Variants in FAM228B observed in about 807,000 individuals in gnomAD.
FAM228B encodes family with sequence similarity 228 member B.
FAM228B carries 38 observed loss-of-function variants against 42.6 expected under a neutral mutation model. The ratio of observed to expected loss-of-function variants is 0.89; its 90% CI spans 0.69 to 1.17. FAM228B has a LOEUF of 1.17. FAM228B is among the 50% of genes most tolerant of loss of function. FAM228B has a pLI of 0.00. For missense variants in FAM228B, 344 were observed against 367.3 expected (o/e 0.94, Z 0.52); for synonymous variants, 109 against 122.3 (o/e 0.89, Z 0.72).
At chr2:24,121,362 T>C, upstream of FAM228B, 1 of 1,529,570 alleles carries the variant, frequency 6.5e-7, no homozygotes, top group Non-Finnish European at 8.9e-7. Context: ...CAGCCAAATT[T>C]AGCCCACTAC....
chr2:24,134,459 A>C (rs1199854321), intron 2 of FAM228B, among the ~76,000 whole-genome samples: 1 of 152,232 alleles, frequency 6.6e-6, no homozygotes, highest in Non-Finnish European at 1.5e-5. Context: ...GCATAGTCAA[A>C]AAGCCTCAAA....
At position 24,138,036 on chromosome 2, in the gene FAM228B, A is replaced by G. The variant is rs764253997; in HGVS notation, c.296A>G (p.His99Arg). ...QKKIIEKVCS[H>R]KKIKKRRQGE... ...AAAATTATAGAAAAAGTTTGCTCACATAAGAAGATTAAAAAAAGGAGGCAA... is the reference window on the plus strand; with the variant it reads ...AAAATTATAGAAAAAGTTTGCTCACGTAAGAAGATTAAAAAAAGGAGGCAA... The change falls in exon 4 of 11, where the codon CAT becomes CGT. Residue 99 changes from histidine (H) to arginine (R), a missense_variant. Physicochemically the swap from His to Arg is conservative, Grantham distance 29. Coordinates refer to ENST00000615575, the MANE Select transcript of FAM228B (RefSeq NM_001145710.2). 9 of 1,546,730 alleles carry G rather than the reference A, an allele frequency of 5.8e-6. 1 individual carries two copies. The South Asian group carries it at 7.3e-5, about 12-fold the overall frequency.
exon 1 of FAM228B, chr2:24,076,966 C>A: frequency 6.2e-6 from 1 of 161,896 alleles, no homozygotes; most frequent in Non-Finnish European, 1.3e-5. Flanking sequence ...GGGGCGGGAC[C>A]CAGGTGAGTA....
At position 24,092,159 on chromosome 2, in the gene FAM228B, G is replaced by T. The variant is rs572257881; in HGVS notation, c.-209-2982G>T. Among the ~76,000 whole-genome samples the T allele has an allele frequency of 3.6e-5, 5 of 138,732 alleles. No individual in the cohort carries two copies. The South Asian group carries it at 1.2e-3, about 33-fold the overall frequency. 91.0% of individuals were successfully genotyped at this position (138,732 alleles called of 152,430 possible). A position where few individuals can be genotyped will look rare whatever the true frequency, so the allele number is the denominator to read the frequency against. ...AAAGATCACATGGGCCTGGCAGGCA[G>T]AGGTTGCATTGATCATACCACTGCA... is the stretch of plus-strand genomic sequence containing the variant. On this transcript the variant is annotated intron_variant, in intron 2 of 10. Coordinates refer to the FAM228B transcript ENST00000613899.
chr2:24,089,976 G>A (rs139100433), intron 2 of FAM228B, among the ~76,000 whole-genome samples: 979 of 130,324 alleles, frequency 7.5e-3, no homozygotes, highest in Middle Eastern at 8.8e-3. Context: ...TAAAAAAAAA[G>A]AAAAAAAAAA....
rs1228310560 is a variant in FAM228B at position 24,151,293 on chromosome 2, G to GT, written c.686+4218dup. Among the ~76,000 whole-genome samples, 247 of 142,892 alleles carry GT rather than the reference G, an allele frequency of 1.7e-3. 1 individual carries two copies. The highest frequency in any genetic ancestry group is 2.4e-3 in the East Asian group (12 of 4,958). The allele number at this position is 142,892 out of a possible 152,430, so 93.7% of individuals were successfully genotyped here. On this transcript the variant is annotated intron_variant, in intron 7 of 10. Transcript: ENST00000615575. ...CTGCTTGTTTTGTTTTTTGTTTTTT[G>GT]TTTTTTTTTTTGAGACAGAGTCTTG...
intron 2 of FAM228B, among the ~76,000 whole-genome samples, chr2:24,126,510 T>C (rs1391217498): frequency 2.0e-5 from 3 of 152,226 alleles, no homozygotes; most frequent in African/African-American, 7.2e-5. Flanking sequence ...TGTTCAAATC[T>C]TTTGCCCACT....
intron 2 of FAM228B, among the ~76,000 whole-genome samples, chr2:24,134,661 ACTTGATGGG>A (rs1666537774): frequency 6.6e-6 from 1 of 152,202 alleles, no homozygotes; most frequent in African/African-American, 2.4e-5. Flanking sequence ...TTTAAAAAGC[ACTTGATGGG>A]CTGGGCACAG....
upstream of FAM228B, among the ~76,000 whole-genome samples, chr2:24,118,695 CAG>C (rs1666003650): frequency 6.6e-6 from 1 of 152,100 alleles, no homozygotes; most frequent in Non-Finnish European, 1.5e-5. Context: ...AGGAAGGAAA[CAG>C]AAAATATTTT....
intron 2 of FAM228B, among the ~76,000 whole-genome samples, chr2:24,091,635 C>T (rs768939259): frequency 5.3e-5 from 8 of 152,028 alleles, no homozygotes; most frequent in Admixed American, 1.3e-4. Flanking sequence ...GAAAATAACA[C>T]TTTTACCATA....
chr2:24,125,499 C>T lies in FAM228B; in HGVS notation c.99+1039C>T, dbSNP rs895683655. 7.9e-5 allele frequency among the ~76,000 whole-genome samples: 12 copies of T among 152,068 alleles called. 1 individual carries two copies. Among genetic ancestry groups the T allele is most frequent in the African/African-American group, 2.9e-4 (12 of 41,502 alleles). On this transcript the variant is annotated intron_variant, in intron 2 of 10. Transcript: ENST00000615575. ...AGCTTCCTTAATATTCTGTTGTAAT[C>T]CCTCCCTCACATCCCCCCACCACTG...
At chr2:24,083,934 A>G (rs1441695072) in intron 2 of FAM228B, among the ~76,000 whole-genome samples, 1 of 152,104 alleles carries the variant, frequency 6.6e-6, no homozygotes, top group East Asian at 1.9e-4. Context: ...ACCCCACAAC[A>G]ATGTTAGTTC....
At chr2:24,134,389 A>T (rs1573765758) in intron 2 of FAM228B, among the ~76,000 whole-genome samples, 3 of 152,234 alleles carry the variant, frequency 2.0e-5, no homozygotes, top group Non-Finnish European at 2.9e-5. Flanking sequence ...TTTTAGTGAA[A>T]CTGTTGACAT....
chr2:24,120,180 A>C (rs1331436801), upstream of FAM228B, among the ~76,000 whole-genome samples: 1 of 152,124 alleles, frequency 6.6e-6, no homozygotes, highest in Non-Finnish European at 1.5e-5. Flanking sequence ...GAGGCAGGAG[A>C]ATCTCTTGAA....
intron 8 of FAM228B, 24 bp from the exon 9 acceptor site, chr2:24,164,174 T>C: frequency 6.5e-7 from 1 of 1,534,798 alleles, no homozygotes; most frequent in Non-Finnish European, 8.8e-7. Context: ...AGAGAATCCC[T>C]TCCTTTCTGG....
intron 5 of FAM228B, among the ~76,000 whole-genome samples, chr2:24,144,762 C>T (rs918154643): frequency 6.6e-6 from 1 of 152,160 alleles, no homozygotes; most frequent in African/African-American, 2.4e-5. Context: ...CTGAAACATA[C>T]ACTCCCTAAC....
intron 3 of FAM228B, among the ~76,000 whole-genome samples, chr2:24,103,435 C>G (rs1442470456): frequency 6.6e-6 from 1 of 152,310 alleles, no homozygotes; most frequent in South Asian, 2.1e-4. Context: ...CATTTGGAGA[C>G]CTCTGTTACA....
At chr2:24,083,253 A>G (rs1400407522) in intron 2 of FAM228B, 1 of 1,454,312 alleles carries the variant, frequency 6.9e-7, no homozygotes, top group African/African-American at 1.4e-5. Context: ...TTTTTCAAAA[A>G]TAAATTTCAG....
chr2:24,121,372 C>T, upstream of FAM228B: 1 of 1,469,920 alleles, frequency 6.8e-7, no homozygotes, highest in Non-Finnish European at 9.3e-7. Flanking sequence ...TAGCCCACTA[C>T]CTGTTTTTTA....
Sources: gnomAD v4.1 joint callset for allele counts (sites outside exome capture counted in the v4.1 genomes callset) on GRCh38, gnomAD v4.1.1 for gene constraint, MANE v1.5 for transcripts, NCBI Gene and HGNC (gene_info 2026-07-23, HGNC 2026-07-21) for gene names.